RBFOX1: variants seen among roughly 807,000 people sequenced by gnomAD.
RBFOX1 encodes the protein RNA binding protein fox-1 homolog 1.
A neutral mutation model predicts 57.7 loss-of-function variants in RBFOX1; 8 were observed. The observed-to-expected ratio is 0.14, with a 90% confidence interval of 0.08 to 0.25. The LOEUF (loss-of-function observed/expected upper bound fraction) is 0.25, where lower values mean the gene tolerates loss of function less well. RBFOX1 is among the 10% of genes least tolerant of loss of function. The pLI, the probability that RBFOX1 is intolerant of heterozygous loss-of-function variation, is 1.00. For synonymous variants in RBFOX1, 326 were observed against 222.4 expected, an observed-to-expected ratio of 1.47 and a Z score of -4.15; for missense variants, 611 against 548.5, an observed-to-expected ratio of 1.11 and a Z score of -1.14.
intron 4 of RBFOX1, among the ~76,000 whole-genome samples, chr16:7,426,602 C>T (rs1447870104): frequency 1.3e-5 from 2 of 152,148 alleles, no homozygotes; most frequent in Non-Finnish European, 2.9e-5. Context: ...GGATCTCCCC[C>T]AATAAAATTA....
chr16:6,005,827 G>A (rs932631991), intron 4 of RBFOX1, among the ~76,000 whole-genome samples: 3 of 152,220 alleles, frequency 2.0e-5, no homozygotes, highest in African/African-American at 7.2e-5. Flanking sequence ...CATTTGAGCT[G>A]GGTCTTGAGT....
At chr16:5,604,032 T>C (rs1426812198), downstream of RBFOX1, among the ~76,000 whole-genome samples, 1 of 152,148 alleles carries the variant, frequency 6.6e-6, no homozygotes, top group Non-Finnish European at 1.5e-5. Context: ...TCCCCCCTTC[T>C]ATACTCCAGG....
intron 1 of RBFOX1, among the ~76,000 whole-genome samples, chr16:5,303,407 G>T (rs893595247): frequency 1.3e-5 from 2 of 152,154 alleles, no homozygotes; most frequent in Non-Finnish European, 2.9e-5. Flanking sequence ...TCAGTTCCAC[G>T]GTCAAGCTGT....
chr16:5,888,093 C>A (rs568790744), intron 4 of RBFOX1, among the ~76,000 whole-genome samples: 1 of 152,290 alleles, frequency 6.6e-6, no homozygotes, highest in African/African-American at 2.4e-5. Flanking sequence ...CTGGCCTCAC[C>A]ACCTTCCTCT....
At chr16:5,665,929 C>T (rs988495835) in intron 3 of RBFOX1, among the ~76,000 whole-genome samples, 1 of 152,212 alleles carries the variant, frequency 6.6e-6, no homozygotes, top group South Asian at 2.1e-4. Flanking sequence ...TGTTGGCACG[C>T]CTGCGTTGGG....
chr16:7,667,477 A>G (rs1004073894), intron 13 of RBFOX1, among the ~76,000 whole-genome samples: 1 of 152,198 alleles, frequency 6.6e-6, no homozygotes, highest in African/African-American at 2.4e-5. Flanking sequence ...GAGTGGAAAT[A>G]TCCCCAAGCT....
chr16:6,828,648 C>G (rs1603629731), intron 3 of RBFOX1, among the ~76,000 whole-genome samples: 2 of 151,996 alleles, frequency 1.3e-5, no homozygotes, highest in East Asian at 3.9e-4. Flanking sequence ...CTGAATTTGA[C>G]CTAGGATTCA....
chr16:6,206,697 A>G (rs1180709734), intron 1 of RBFOX1, among the ~76,000 whole-genome samples: 6 of 152,168 alleles, frequency 3.9e-5, no homozygotes, highest in African/African-American at 1.4e-4. Context: ...AGTCCCATAT[A>G]CTCATCACCC....
At chr16:5,294,044 C>T (rs535007105) in intron 1 of RBFOX1, among the ~76,000 whole-genome samples, 3 of 152,212 alleles carry the variant, frequency 2.0e-5, no homozygotes, top group East Asian at 1.9e-4. Flanking sequence ...GCTTGGCCAA[C>T]GTGGTGAAAC....
intron 4 of RBFOX1, among the ~76,000 whole-genome samples, chr16:7,444,780 C>T (rs1356371809): frequency 6.6e-6 from 1 of 152,184 alleles, no homozygotes. Context: ...GATCCTCCCA[C>T]CTCAGCCTTC....
chr16:6,506,006 T>C (rs1277267782), intron 2 of RBFOX1, among the ~76,000 whole-genome samples: 2 of 152,108 alleles, frequency 1.3e-5, no homozygotes, highest in Non-Finnish European at 2.9e-5. Context: ...CTAATTACTA[T>C]CTGAGCTAAC....
At position 6,366,085 on chromosome 16, in the gene RBFOX1, A is replaced by ACGTGTGTGTG. The variant is rs1307236635; in HGVS notation, c.-64+49028_-64+49029insCGTGTGTGTG. ...TCTGGTCGAGAATGGTGGCCATTCT[A>ACGTGTGTGTG]TGTGTGTGTGTGTGTGTGTGTGTGT... On this transcript the variant is annotated intron_variant, in intron 2 of 15. Transcript: ENST00000550418. Among the ~76,000 whole-genome samples the ACGTGTGTGTG allele has an allele frequency of 6.8e-4, 98 of 144,422 alleles. 1 individual carries two copies. The highest frequency in any genetic ancestry group is 2.2e-3 in the African/African-American group (88 of 39,504). 94.7% of individuals were successfully genotyped at this position (144,422 alleles called of 152,430 possible).
At chr16:5,398,904 A>G (rs919292036) in intron 1 of RBFOX1, among the ~76,000 whole-genome samples, 4 of 152,220 alleles carry the variant, frequency 2.6e-5, no homozygotes, top group African/African-American at 9.6e-5. Context: ...GCTTCATTAC[A>G]GCAGCGGAGG....
At chr16:7,156,783 G>T (rs2077238480) in intron 4 of RBFOX1, among the ~76,000 whole-genome samples, 1 of 152,106 alleles carries the variant, frequency 6.6e-6, no homozygotes, top group Non-Finnish European at 1.5e-5. Flanking sequence ...CACTGCATCT[G>T]TGTATACTTC....
chr16:5,739,957 G>A (rs1335903181), intron 3 of RBFOX1, among the ~76,000 whole-genome samples: 1 of 152,254 alleles, frequency 6.6e-6, no homozygotes, highest in Non-Finnish European at 1.5e-5. Context: ...GGTGGGGTGA[G>A]GCTGGGTTGC....
intron 2 of RBFOX1, among the ~76,000 whole-genome samples, chr16:5,524,655 C>G (rs2044167208): frequency 1.3e-5 from 2 of 151,892 alleles, no homozygotes; most frequent in Admixed American, 6.5e-5. Context: ...GTCCTCCTGC[C>G]TCAGCCTTCC....
intron 3 of RBFOX1, among the ~76,000 whole-genome samples, chr16:5,680,440 C>G (rs564179445): frequency 5.9e-5 from 9 of 152,176 alleles, no homozygotes; most frequent in Non-Finnish European, 1.3e-4. Context: ...TAAGGGACTC[C>G]ACTGTATACC....
At chr16:7,010,158 A>C (rs933786431) in intron 3 of RBFOX1, among the ~76,000 whole-genome samples, 2 of 152,358 alleles carry the variant, frequency 1.3e-5, no homozygotes, top group South Asian at 4.1e-4. Context: ...GAGGGGTGAG[A>C]CTTAATCAGC....
chr16:6,449,693 G>A (rs2094552283), intron 2 of RBFOX1, among the ~76,000 whole-genome samples: 1 of 152,144 alleles, frequency 6.6e-6, no homozygotes, highest in South Asian at 2.1e-4. Flanking sequence ...TTGCATTCTG[G>A]AGTGCTGTTT....
Sources: allele counts gnomAD v4.1 joint callset (sites outside exome capture counted in the v4.1 genomes callset), GRCh38; gene constraint gnomAD v4.1.1; transcripts MANE v1.5; gene names NCBI Gene and HGNC (gene_info 2026-07-23, HGNC 2026-07-21).